The following SUPT5H variants were observed in gnomAD, a reference collection of about 807,000 sequenced individuals.
SUPT5H encodes the protein transcription elongation factor SPT5.
Under a neutral mutation model 142.5 loss-of-function variants are expected in SUPT5H, and 24 were observed. The ratio of observed to expected loss-of-function variants is 0.17; its 90% CI spans 0.12 to 0.24. The LOEUF is 0.24. SUPT5H is among the 10% of genes least tolerant of loss of function. SUPT5H has a pLI of 1.00. For missense variants in SUPT5H, 893 were observed against 1,471.8 expected, an observed-to-expected ratio of 0.61 and a Z score of 6.43; for synonymous variants, 546 against 553.0, an observed-to-expected ratio of 0.99 and a Z score of 0.18.
At chr19:39,462,612 C>T (rs1445956179) in intron 10 of SUPT5H, among the ~76,000 whole-genome samples, 1 of 152,088 alleles carries the variant, frequency 6.6e-6, no homozygotes, top group Non-Finnish European at 1.5e-5. Flanking sequence ...CCCACTGCAA[C>T]CACTGCCTCC....
intron 10 of SUPT5H, among the ~76,000 whole-genome samples, chr19:39,462,933 G>A (rs1172860834): frequency 7.3e-6 from 1 of 137,544 alleles, no homozygotes; most frequent in Non-Finnish European, 1.5e-5. Context: ...TGCACCTCCC[G>A]GGTTCAAGCG....
rs2079369539 is a variant in SUPT5H at position 39,474,238 on chromosome 19, A to C, written c.2656A>C (p.Asn886His). The part of the protein sequence containing the change: ...PQTPGTPAMY[N>H]TDQFSPYAAP... ...CCTTCTCTCCTGTCTCTGCAGGTAC[A>C]ACACAGACCAGTTCTCTCCCTATGC... The change falls in exon 27 of 30, where the codon AAC (asparagine) becomes CAC (histidine). Residue 886 changes from asparagine (N) to histidine (H), a missense_variant. Physicochemically the swap from Asn to His is moderately conservative, Grantham distance 68. This residue lies in a region of SUPT5H where 336 missense variants were observed against 546.5 expected (regional missense o/e 0.61). Transcript: ENST00000432763. The surrounding 1 kb of genome is among the most constrained non-coding windows in gnomAD (Gnocchi z 6.5). The C allele has an allele frequency of 6.2e-7, 1 of 1,613,902 alleles. No individual in the cohort carries two copies. The highest frequency in any genetic ancestry group is 8.5e-7 in the Non-Finnish European group (1 of 1,179,942).
Position 39,458,659 on chromosome 19 carries a change from A to G in SUPT5H, c.320-159A>G. ...TTTGACAAGAAGCAGGATGCTGAGT[A>G]GGACAGAGTAGGGGATGAGGGGTTG... On this transcript the variant is annotated intron_variant, in intron 5 of 29. Transcript: ENST00000432763. This position sits in a 1 kb window ranked among gnomAD's most constrained non-coding sequence, Gnocchi z 4.2. 1 of 747,108 alleles carries G rather than the reference A, an allele frequency of 1.3e-6. No individual in the cohort carries two copies. The highest frequency in any genetic ancestry group is 2.7e-5 in the East Asian group (1 of 36,994). 46.3% of individuals were successfully genotyped at this position (747,108 alleles called of 1,614,324 possible). A position where few individuals can be genotyped will look rare whatever the true frequency, so the allele number is the denominator to read the frequency against.
rs755782756 is a variant in SUPT5H, at chr19:39,469,095, A to C, written c.1160A>C (p.Lys387Thr). Residue 387 changes from lysine to threonine, a missense_variant, in exon 15 of 30, where the codon AAG becomes ACG. Transcript: ENST00000432763. This position sits in a 1 kb window ranked among gnomAD's most constrained non-coding sequence, Gnocchi z 5.1. ...GGGGCTTAGATCACGGAGGGTGTGA[A>C]GCCAACACTCTCTGAGCTGGAAAAG... ...AMSAVITEGV[K>T]PTLSELEKFE... 3 of 1,614,130 alleles carry C rather than the reference A, an allele frequency of 1.9e-6. No homozygotes were observed. The South Asian group carries it at 3.3e-5, about 18-fold the overall frequency.
intron 3 of SUPT5H, among the ~76,000 whole-genome samples, chr19:39,455,901 G>A (rs1379456034): frequency 2.7e-5 from 4 of 146,414 alleles, no homozygotes; most frequent in Non-Finnish European, 6.0e-5. Flanking sequence ...GATTACAGGC[G>A]TGAACCACTG....
intron 9 of SUPT5H, 91 bp downstream of exon 9, chr19:39,459,680 G>T (rs553517277): frequency 1.3e-6 from 2 of 1,535,858 alleles, no homozygotes; most frequent in African/African-American, 1.4e-5. Flanking sequence ...CCGGGTCTCC[G>T]TGGCCTGCCA....
rs1036809141 is a variant in SUPT5H, at chr19:39,459,499, G to A, written c.525-60G>A. On this transcript the variant is annotated intron_variant, in intron 8 of 29. Transcript: ENST00000432763. ...AGGAAGGGGGTGGCCCTGGGGGTTC[G>A]TCTGTTTGTTACTGAAGATCCAGCT... 1.2e-5 allele frequency: 19 copies of A among 1,604,486 alleles called. No individual in the cohort carries two copies. The East Asian group carries it at 1.8e-4, about 15-fold the overall frequency.
Position 39,476,473 on chromosome 19 carries a change from A to G in SUPT5H, c.*74A>G. 1.3e-6 allele frequency: 2 copies of G among 1,574,736 alleles called. No individual in the cohort carries two copies. Among genetic ancestry groups the G allele is most frequent in the South Asian group, 1.1e-5 (1 of 89,928 alleles). On this transcript the variant is annotated 3_prime_UTR_variant, in exon 30 of 30. Transcript: ENST00000432763. ...CTTCCCTGGCCCTTGGCTGTGACACAAGATCCTCCTGCAGGGCTAGGCGGA... is the reference window on the plus strand; with the variant it reads ...CTTCCCTGGCCCTTGGCTGTGACACGAGATCCTCCTGCAGGGCTAGGCGGA...
intron 2 of SUPT5H, among the ~76,000 whole-genome samples, chr19:39,453,146 G>A (rs1176018720): frequency 6.6e-6 from 1 of 152,134 alleles, no homozygotes; most frequent in Non-Finnish European, 1.5e-5. Context: ...AACTCCCAGG[G>A]TTGCTTGGGT....
Position 39,472,502 on chromosome 19 carries a change from G to A in SUPT5H, c.2035+9G>A. ...GCACCCCAGTGCTGGAGGTGAGAGG[G>A]GTTCAGGGTCAGGGGATGTGGTGGG... On this transcript the variant is annotated intron_variant, in intron 21 of 29. Transcript: ENST00000432763. The surrounding 1 kb of genome is among the most constrained non-coding windows in gnomAD (Gnocchi z 4.2). 2 of 1,613,792 alleles carry A rather than the reference G, an allele frequency of 1.2e-6. No individual in the cohort carries two copies. Among genetic ancestry groups the A allele is most frequent in the African/African-American group, 1.3e-5 (1 of 75,038 alleles).
chr19:39,462,842 T>TTC (rs1555744491), intron 10 of SUPT5H, among the ~76,000 whole-genome samples: 2,022 of 129,656 alleles, frequency 0.016, 55 homozygotes, highest in African/African-American at 0.052. Context: ...TAATTTTCTT[T>TTC]TTTTTTTTTT....
chr19:39,472,778 G>A lies in SUPT5H; in HGVS notation c.2036-32G>A, dbSNP rs2079339567. ...GTGCCCTTGCTGTGGGCACAGCCGTGGGGGACCAGTGACATTCTCCCCAAT... is the reference window on the plus strand; with the variant it reads ...GTGCCCTTGCTGTGGGCACAGCCGTAGGGGACCAGTGACATTCTCCCCAAT... On this transcript the variant is annotated intron_variant, in intron 21 of 29. Coordinates refer to ENST00000432763, the MANE Select transcript of SUPT5H (RefSeq NM_001111020.3). The surrounding 1 kb of genome is among the most constrained non-coding windows in gnomAD (Gnocchi z 4.2). The A allele has an allele frequency of 1.3e-6, 2 of 1,599,118 alleles. No homozygotes were observed. Among genetic ancestry groups the A allele is most frequent in the African/African-American group, 1.3e-5 (1 of 74,670 alleles).
chr19:39,453,667 C>CTACTG, intron 3 of SUPT5H, 146 bp downstream of exon 3: 1 of 971,172 alleles, frequency 1.0e-6, no homozygotes, highest in Non-Finnish European at 1.4e-6. Flanking sequence ...CAAGTTCATG[C>CTACTG]CATTCTCCTG....
intron 2 of SUPT5H, among the ~76,000 whole-genome samples, chr19:39,447,950 A>G (rs528969329): frequency 5.3e-5 from 8 of 152,326 alleles, no homozygotes; most frequent in Admixed American, 1.3e-4. Flanking sequence ...TTAGTTGCCA[A>G]TGCTTGTGAG....
chr19:39,472,012 G>C lies in SUPT5H; in HGVS notation c.1950+282G>C, dbSNP rs1209872113. ...AAAAATACTCTGCTCTCACAGAGCT[G>C]ATACTCTAGAGGTGGACAGACAGAT... On this transcript the variant is annotated intron_variant, in intron 20 of 29. Transcript: ENST00000432763. This position sits in a 1 kb window ranked among gnomAD's most constrained non-coding sequence, Gnocchi z 4.2. 3.8e-6 allele frequency: 2 copies of C among 520,244 alleles called. No homozygotes were observed. Among genetic ancestry groups the C allele is most frequent in the African/African-American group, 1.9e-5 (1 of 52,410 alleles). 32.2% of individuals were successfully genotyped at this position (520,244 alleles called of 1,614,324 possible).
chr19:39,473,052 C>T lies in SUPT5H; in HGVS notation c.2196C>T (p.Ala732=). The change falls in exon 23 of 30, where the codon GCC becomes GCT. Residue 732 remains alanine (A), a synonymous_variant. Transcript: ENST00000432763. This position sits in a 1 kb window ranked among gnomAD's most constrained non-coding sequence, Gnocchi z 5.8. ...GVVKDATEST[A]RVELHSTCQT... The stretch of plus-strand genomic sequence containing the variant: ...TGAAAGATGCCACAGAGTCCACGGC[C>T]CGTGTGGAGCTGCACTCCACCTGCC... 3 of 1,613,848 alleles carry T rather than the reference C, an allele frequency of 1.9e-6. No individual in the cohort carries two copies. The highest frequency in any genetic ancestry group is 2.2e-5 in the East Asian group (1 of 44,862).
At chr19:39,468,445 T>G in intron 13 of SUPT5H, 1 of 414,550 alleles carries the variant, frequency 2.4e-6, no homozygotes, top group Admixed American at 3.9e-5. Flanking sequence ...TTGGTGAAAT[T>G]TAGTGAATGT....
intron 2 of SUPT5H, among the ~76,000 whole-genome samples, chr19:39,449,550 G>C (rs1169309251): frequency 2.0e-5 from 3 of 152,142 alleles, no homozygotes; most frequent in African/African-American, 7.2e-5. Flanking sequence ...GGCTGTGATG[G>C]AGGGAGCCCA....
rs370747849 is a variant in SUPT5H, at chr19:39,470,224, C to T, written c.1480C>T (p.Arg494Trp). Residue 494 changes from arginine (R) to tryptophan (W), a missense_variant, in exon 17 of 30, where the codon CGG becomes TGG. Around this residue, in one of 6 missense-constraint regions of SUPT5H, gnomAD observed 428 missense variants for 763.5 expected, o/e 0.56. Transcript: ENST00000432763. This position sits in a 1 kb window ranked among gnomAD's most constrained non-coding sequence, Gnocchi z 5.8. ...RFEGDTGLIVRVEENFVILFS... is the reference protein window; with the variant it reads ...RFEGDTGLIVWVEENFVILFS... ...CGAGGGCGACACAGGCCTCATTGTGCGGGTGGAGGAGAATTTCGTTATCCT... is the reference window on the plus strand; with the variant it reads ...CGAGGGCGACACAGGCCTCATTGTGTGGGTGGAGGAGAATTTCGTTATCCT... 8 of 1,600,002 alleles carry T rather than the reference C, an allele frequency of 5.0e-6. No individual in the cohort carries two copies. In the Admixed American group the frequency reaches 6.8e-5, roughly 14 times the overall value.
Sources: allele counts gnomAD v4.1 joint callset (sites outside exome capture counted in the v4.1 genomes callset), GRCh38; gene constraint gnomAD v4.1.1; regional missense constraint gnomAD v4.1.1; non-coding constraint Gnocchi (gnomAD v3.1); transcripts MANE v1.5; gene names NCBI Gene and HGNC (gene_info 2026-07-23, HGNC 2026-07-21).